Variants in MTMR12 observed in about 807,000 individuals in gnomAD.
MTMR12 encodes myotubularin related protein 12.
In MTMR12, 33 loss-of-function variants were observed where a neutral mutation model predicts 96.7. The observed-to-expected ratio is 0.34, with a 90% CI of 0.26 to 0.46. MTMR12 has a LOEUF of 0.46. MTMR12 is among the 20% of genes least tolerant of loss of function. The probability of loss-of-function intolerance (pLI) is 1.00; values close to 1 mark genes in which losing one functional copy is unlikely to be tolerated. For missense variants in MTMR12, 721 were observed against 896.1 expected, an observed-to-expected ratio of 0.80 and a Z score of 2.49; for synonymous variants, 298 against 327.2, an observed-to-expected ratio of 0.91 and a Z score of 0.96.
intron 6 of MTMR12, among the ~76,000 whole-genome samples, chr5:32,268,382 C>G (rs551218804): frequency 6.6e-6 from 1 of 152,092 alleles, no homozygotes; most frequent in African/African-American, 2.4e-5. Flanking sequence ...GTGGTGGGCA[C>G]CTGTAATCCC....
intron 7 of MTMR12, 84 bp downstream of exon 7, chr5:32,263,029 G>A: frequency 6.6e-7 from 1 of 1,526,690 alleles, no homozygotes; most frequent in Non-Finnish European, 9.0e-7. Flanking sequence ...GGTGATGACT[G>A]CACAACCCTG....
chr5:32,296,842 C>T (rs577315678), intron 1 of MTMR12, among the ~76,000 whole-genome samples: 31 of 151,090 alleles, frequency 2.1e-4, no homozygotes, highest in African/African-American at 6.8e-4. Flanking sequence ...GTGGCTCACG[C>T]CTGTAATCCC....
At position 32,228,819 on chromosome 5, in the gene MTMR12, A is replaced by G. The variant is rs1230960211; in HGVS notation, c.*959T>C. 1 of 151,790 alleles carries G rather than the reference A, an allele frequency of 6.6e-6. No homozygotes were observed. 9.4% of individuals were successfully genotyped at this position (151,790 alleles called of 1,614,324 possible). ...GTGACCCAATCCCATCAGTCCATAA[A>G]GGTAAAAGAATGTGAGGAACTCGGC... is the stretch of plus-strand genomic sequence containing the variant. On this transcript the variant is annotated 3_prime_UTR_variant, in exon 16 of 16. Coordinates refer to ENST00000382142, the MANE Select transcript of MTMR12 (RefSeq NM_001040446.3).
chr5:32,248,508 G>C (rs1748785521), intron 9 of MTMR12, among the ~76,000 whole-genome samples: 1 of 152,000 alleles, frequency 6.6e-6, no homozygotes, highest in Non-Finnish European at 1.5e-5. Context: ...ACCTAAATTT[G>C]ACAACTGTTA....
At chr5:32,254,403 C>T (rs892671837) in intron 8 of MTMR12, among the ~76,000 whole-genome samples, 2 of 152,108 alleles carry the variant, frequency 1.3e-5, no homozygotes, top group Non-Finnish European at 2.9e-5. Context: ...TCTTCACTGC[C>T]ACACCAGCAG....
Position 32,271,879 on chromosome 5 carries a change from T to C in MTMR12, c.312A>G (p.Ile104Met). Residue 104 changes from isoleucine (I) to methionine (M), a missense_variant, in exon 4 of 16, where the codon ATA (isoleucine) becomes ATG (methionine). Ile to Met is a conservative substitution (Grantham distance 10). Coordinates refer to ENST00000382142, the MANE Select transcript of MTMR12 (RefSeq NM_001040446.3). ...AGTGGAGTGTAATGTCATTTTCTCC[T>C]ATAACCTTATTCTTAAATTGAGTTT... ...NDETQFKNKV[I>M]GENDITLHCV... The C allele has an allele frequency of 6.3e-7, 1 of 1,575,872 alleles. No homozygotes were observed. The highest frequency in any genetic ancestry group is 8.7e-7 in the Non-Finnish European group (1 of 1,154,116).
chr5:32,274,907 C>T (rs1424333383), intron 2 of MTMR12, among the ~76,000 whole-genome samples: 2 of 152,040 alleles, frequency 1.3e-5, no homozygotes, highest in Non-Finnish European at 2.9e-5. Context: ...GTATTCTCTG[C>T]CATCTGGAAG....
At chr5:32,231,300 A>G (rs546427508) in intron 15 of MTMR12, among the ~76,000 whole-genome samples, 2 of 148,642 alleles carry the variant, frequency 1.3e-5, no homozygotes, top group Admixed American at 1.4e-4. Context: ...AATTGCTTGA[A>G]CCCAGGAGGC....
intron 1 of MTMR12, among the ~76,000 whole-genome samples, chr5:32,277,670 G>A (rs1260478445): frequency 6.6e-6 from 1 of 151,506 alleles, no homozygotes; most frequent in Non-Finnish European, 1.5e-5. Flanking sequence ...CTGCACTCCA[G>A]CCTGGGTAAC....
chr5:32,311,825 A>T (rs1424704525), intron 1 of MTMR12, among the ~76,000 whole-genome samples: 1 of 152,154 alleles, frequency 6.6e-6, no homozygotes, highest in Admixed American at 6.5e-5. Context: ...CTCTACCTGG[A>T]CGACTCTTCT....
intron 1 of MTMR12, among the ~76,000 whole-genome samples, chr5:32,302,645 A>G (rs1258130848): frequency 2.6e-5 from 4 of 152,048 alleles, no homozygotes; most frequent in African/African-American, 9.7e-5. Flanking sequence ...TGAACCCGGC[A>G]GGCGGAGGTT....
At chr5:32,281,573 C>T (rs191565673) in intron 1 of MTMR12, among the ~76,000 whole-genome samples, 23 of 152,238 alleles carry the variant, frequency 1.5e-4, no homozygotes, top group Non-Finnish European at 2.8e-4. Context: ...GAACCCTCTG[C>T]AAGACCAAAA....
At chr5:32,254,139 AAGACTGAAAGATAG>A (rs1013176364) in intron 8 of MTMR12, among the ~76,000 whole-genome samples, 4 of 152,330 alleles carry the variant, frequency 2.6e-5, no homozygotes, top group African/African-American at 9.6e-5. Flanking sequence ...CCCTCTATGA[AAGACTGAAAGATAG>A]AGACTCTCAT....
chr5:32,253,622 T>C (rs779718586), intron 8 of MTMR12, among the ~76,000 whole-genome samples: 1 of 152,150 alleles, frequency 6.6e-6, no homozygotes, highest in African/African-American at 2.4e-5. Flanking sequence ...TTCTCACAGT[T>C]TTCTTTTCTT....
At chr5:32,255,529 A>G (rs1405744890) in intron 8 of MTMR12, among the ~76,000 whole-genome samples, 164 bp downstream of exon 8, 1 of 152,216 alleles carries the variant, frequency 6.6e-6, no homozygotes, top group Non-Finnish European at 1.5e-5. Context: ...CTCTGTCCCA[A>G]TGACCTTTAA....
Position 32,310,620 on chromosome 5 carries a change from C to A in MTMR12, c.81+2138G>T, listed in dbSNP as rs976885669. ...ATTAAAACATTTGAACTCATGGAGACAGAATGATGGTTACCAAAAGCTGGG... is the reference window on the plus strand; with the variant it reads ...ATTAAAACATTTGAACTCATGGAGAAAGAATGATGGTTACCAAAAGCTGGG... On this transcript the variant is annotated intron_variant, in intron 1 of 15. Coordinates refer to ENST00000382142, the MANE Select transcript of MTMR12 (RefSeq NM_001040446.3). Among the ~76,000 whole-genome samples the A allele has an allele frequency of 2.6e-5, 4 of 152,110 alleles. No homozygotes were observed. The East Asian group carries it at 7.7e-4, about 29-fold the overall frequency.
chr5:32,305,175 G>C (rs1029499035), intron 1 of MTMR12, among the ~76,000 whole-genome samples: 4 of 152,188 alleles, frequency 2.6e-5, no homozygotes, highest in Non-Finnish European at 5.9e-5. Context: ...TGCAACCTCT[G>C]CCTCCTCGGT....
intron 5 of MTMR12, among the ~76,000 whole-genome samples, chr5:32,270,570 T>C (rs1749791595): frequency 6.6e-6 from 1 of 152,224 alleles, no homozygotes; most frequent in Non-Finnish European, 1.5e-5. Context: ...CCTCCCACCA[T>C]TTAGTGGCTC....
At chr5:32,279,618 G>A (rs558229788) in intron 1 of MTMR12, among the ~76,000 whole-genome samples, 1 of 152,302 alleles carries the variant, frequency 6.6e-6, no homozygotes, top group South Asian at 2.1e-4. Context: ...ATTCCGTTAG[G>A]AGAACTACTT....
Sources: allele counts gnomAD v4.1 joint callset (sites outside exome capture counted in the v4.1 genomes callset), GRCh38; gene constraint gnomAD v4.1.1; transcripts MANE v1.5; gene names NCBI Gene and HGNC (gene_info 2026-07-23, HGNC 2026-07-21).